DPP10: variants seen among roughly 807,000 people sequenced by gnomAD.
DPP10 encodes the protein dipeptidyl peptidase like 10.
DPP10 carries 33 observed loss-of-function variants against 120.9 expected under a neutral mutation model. The observed-to-expected ratio is 0.27, with a 90% CI of 0.21 to 0.37. The LOEUF (loss-of-function observed/expected upper bound fraction) is 0.37, where lower values mean the gene tolerates loss of function less well. Ranked by LOEUF, DPP10 falls within the 10% of genes least tolerant of loss-of-function variation. The pLI is 1.00. For missense variants in DPP10, 816 were observed against 942.8 expected, an observed-to-expected ratio of 0.87 and a Z score of 1.76; for synonymous variants, 337 against 326.1, an observed-to-expected ratio of 1.03 and a Z score of -0.36.
intron 1 of DPP10, among the ~76,000 whole-genome samples, chr2:114,753,231 A>G (rs1054317351): frequency 6.6e-6 from 1 of 152,202 alleles, no homozygotes; most frequent in African/African-American, 2.4e-5. Flanking sequence ...AGAAACAGGA[A>G]TAGTCAATCA....
intron 1 of DPP10, among the ~76,000 whole-genome samples, chr2:115,295,214 G>A (rs2060832360): frequency 6.6e-6 from 1 of 151,992 alleles, no homozygotes; most frequent in South Asian, 2.1e-4. Context: ...AACACTGACT[G>A]GCTTTGAGGC....
chr2:115,837,977 A>G (rs945599779), intron 24 of DPP10, among the ~76,000 whole-genome samples: 1 of 152,182 alleles, frequency 6.6e-6, no homozygotes. Flanking sequence ...AAGAACACCA[A>G]CAAGAAAAAC....
At chr2:115,501,328 A>T (rs571065679) in intron 4 of DPP10, among the ~76,000 whole-genome samples, 2 of 152,250 alleles carry the variant, frequency 1.3e-5, no homozygotes, top group South Asian at 2.1e-4. Context: ...ACCAAAACAA[A>T]CAGAACTTTT....
intron 17 of DPP10, among the ~76,000 whole-genome samples, chr2:115,785,146 AG>A (rs1222737610): frequency 6.6e-6 from 1 of 152,188 alleles, no homozygotes; most frequent in Non-Finnish European, 1.5e-5. Flanking sequence ...GAAATCTTGT[AG>A]GCAACTGGAA....
chr2:115,320,777 A>G (rs1050108012), intron 2 of DPP10, among the ~76,000 whole-genome samples: 1 of 152,116 alleles, frequency 6.6e-6, no homozygotes. Context: ...TGCCTTTTCT[A>G]TCTACCTAGG....
intron 3 of DPP10, among the ~76,000 whole-genome samples, chr2:115,462,518 A>C (rs2074051470): frequency 6.6e-6 from 1 of 152,092 alleles, no homozygotes; most frequent in African/African-American, 2.4e-5. Flanking sequence ...CATGGAGGAC[A>C]AGGTCCTCCA....
At chr2:115,705,015 C>T (rs981687778) in intron 7 of DPP10, among the ~76,000 whole-genome samples, 5 of 151,738 alleles carry the variant, frequency 3.3e-5, no homozygotes, top group African/African-American at 1.2e-4. Context: ...GGTAATTCTT[C>T]AAATACAAAC....
intron 1 of DPP10, among the ~76,000 whole-genome samples, chr2:115,004,133 T>C (rs1302939050): frequency 2.0e-5 from 3 of 152,168 alleles, no homozygotes; most frequent in Non-Finnish European, 4.4e-5. Flanking sequence ...GGGAGCTAAA[T>C]GAGTGGATCT....
intron 1 of DPP10, among the ~76,000 whole-genome samples, chr2:115,201,368 C>G (rs1300591178): frequency 6.6e-6 from 1 of 152,122 alleles, no homozygotes; most frequent in East Asian, 1.9e-4. Flanking sequence ...GAGGCTGAAG[C>G]AGGAGAATTG....
At chr2:115,351,856 T>G (rs1049650586) in intron 3 of DPP10, among the ~76,000 whole-genome samples, 1 of 152,100 alleles carries the variant, frequency 6.6e-6, no homozygotes, top group Admixed American at 6.6e-5. Context: ...TTAAATTTCA[T>G]CTGTATTAAA....
intron 2 of DPP10, among the ~76,000 whole-genome samples, chr2:115,323,791 TTA>T (rs1156410152): frequency 6.6e-6 from 1 of 152,198 alleles, no homozygotes; most frequent in East Asian, 1.9e-4. Flanking sequence ...AGGAATATTT[TTA>T]TGAGTAGTAA....
chr2:115,362,411 T>C (rs956115833), intron 3 of DPP10, among the ~76,000 whole-genome samples: 2 of 152,180 alleles, frequency 1.3e-5, no homozygotes, highest in African/African-American at 2.4e-5. Flanking sequence ...AGCAAATAGG[T>C]GACTTGTTCA....
chr2:115,190,740 G>C (rs185827494), intron 1 of DPP10, among the ~76,000 whole-genome samples: 1 of 152,102 alleles, frequency 6.6e-6, no homozygotes, highest in African/African-American at 2.4e-5. Context: ...GCTCATGCCC[G>C]GTCCGTGAGA....
At chr2:115,350,932 A>G (rs1222851120) in intron 3 of DPP10, among the ~76,000 whole-genome samples, 1 of 152,142 alleles carries the variant, frequency 6.6e-6, no homozygotes, top group Admixed American at 6.6e-5. Context: ...TGGAAATGTA[A>G]ATTAGTTCAG....
rs369773199 is a variant in DPP10, at chr2:115,416,708, C to G, written c.271+72796C>G. Among the ~76,000 whole-genome samples, 12 of 152,270 alleles carry G rather than the reference C, an allele frequency of 7.9e-5. No individual in the cohort carries two copies. The East Asian group carries it at 2.3e-3, about 29-fold the overall frequency. Reference sequence around the variant, plus strand: ...AATTAAATCACAATTTATTTGTGCACTTTTCATGTGACAAGCATTTCGCTG... The same window carrying G: ...AATTAAATCACAATTTATTTGTGCAGTTTTCATGTGACAAGCATTTCGCTG... On this transcript the variant is annotated intron_variant, in intron 3 of 25. Transcript: ENST00000410059.
At chr2:115,417,197 T>G (rs1224715118) in intron 3 of DPP10, among the ~76,000 whole-genome samples, 1 of 152,172 alleles carries the variant, frequency 6.6e-6, no homozygotes, top group Admixed American at 6.6e-5. Context: ...GAAGCAGTTC[T>G]TCCAATATTA....
chr2:115,378,229 C>T (rs60712840), intron 3 of DPP10, among the ~76,000 whole-genome samples: 5,237 of 151,022 alleles, frequency 0.035, 201 homozygotes, highest in African/African-American at 0.094. Context: ...TTTATTTCAT[C>T]GAGCAGTGGT....
chr2:115,334,980 G>A (rs1052516704), intron 2 of DPP10, among the ~76,000 whole-genome samples: 5 of 150,852 alleles, frequency 3.3e-5, no homozygotes, highest in Admixed American at 6.6e-5. Context: ...AGATATACCC[G>A]AGACTGGGAT....
chr2:115,368,111 C>A (rs533124750), intron 3 of DPP10, among the ~76,000 whole-genome samples: 7 of 152,234 alleles, frequency 4.6e-5, no homozygotes, highest in African/African-American at 1.7e-4. Flanking sequence ...ACCTGAACTC[C>A]TTACAATATT....
Sources: allele counts gnomAD v4.1 joint callset (sites outside exome capture counted in the v4.1 genomes callset), GRCh38; gene constraint gnomAD v4.1.1; transcripts MANE v1.5; gene names NCBI Gene and HGNC (gene_info 2026-07-23, HGNC 2026-07-21).